Variants in GALNT2 observed in about 807,000 individuals in gnomAD.
GALNT2 encodes the protein UDP-GalNAc:polypeptide N-acetylgalactosaminyltransferase 2.
In GALNT2, 31 loss-of-function variants were observed where a neutral mutation model predicts 81.4. The ratio of observed to expected loss-of-function variants is 0.38; its 90% CI spans 0.29 to 0.51. The LOEUF (loss-of-function observed/expected upper bound fraction) is 0.51. Among genes scored for constraint, GALNT2 ranks in the 20% least tolerant of loss-of-function variants. The pLI is 0.87. For synonymous variants in GALNT2, 303 were observed against 287.4 expected, an observed-to-expected ratio of 1.05 and a Z score of -0.55; for missense variants, 629 against 765.7, an observed-to-expected ratio of 0.82 and a Z score of 2.11.
chr1:230,202,759 T>C (rs1472310644), intron 2 of GALNT2, among the ~76,000 whole-genome samples: 4 of 152,216 alleles, frequency 2.6e-5, no homozygotes, highest in African/African-American at 9.6e-5. Context: ...TACATGATCT[T>C]CTTCACCCTA....
intron 1 of GALNT2, among the ~76,000 whole-genome samples, chr1:230,106,544 A>G (rs910146157): frequency 6.6e-6 from 1 of 152,202 alleles, no homozygotes; most frequent in African/African-American, 2.4e-5. Flanking sequence ...TGTTCATTTT[A>G]TTTTACATCA....
rs536698566 is a variant in GALNT2 at position 230,110,168 on chromosome 1, TTCTC to T, written c.126+42765_126+42768del. 1.1e-4 allele frequency among the ~76,000 whole-genome samples: 16 copies of T among 152,328 alleles called. No individual in the cohort carries two copies. In the East Asian group the frequency reaches 3.1e-3, roughly 29 times the overall value. ...TCCTTAAACTTAGTGCTCCTGCTCATTCTCTCAGTATGGCTAATAGCTCATTTAA... is the reference window on the plus strand; with the variant it reads ...TCCTTAAACTTAGTGCTCCTGCTCATTCAGTATGGCTAATAGCTCATTTAA... On this transcript the variant is annotated intron_variant, in intron 1 of 15. Coordinates refer to ENST00000366672, the MANE Select transcript of GALNT2 (RefSeq NM_004481.5).
chr1:230,092,360 G>A (rs2102768072), intron 1 of GALNT2, among the ~76,000 whole-genome samples: 1 of 151,260 alleles, frequency 6.6e-6, no homozygotes, highest in East Asian at 1.9e-4. Flanking sequence ...TTATAGTAGA[G>A]GGTGACAATT....
rs375445975 is a variant in GALNT2, at chr1:230,263,199, G to C, written c.1313+194G>C. 825 of 582,796 alleles carry C rather than the reference G, an allele frequency of 1.4e-3. 8 individuals carry two copies. The highest frequency in any genetic ancestry group is 0.014 in the African/African-American group (747 of 53,592). 36.1% of individuals were successfully genotyped at this position (582,796 alleles called of 1,614,324 possible). On this transcript the variant is annotated intron_variant, in intron 13 of 15. Transcript: ENST00000366672. ...CCCAAGTTGGCCTGCTGCTGTCTCT[G>C]TCCTGCAGAGCTGCCCTCCCATGCT...
chr1:230,117,008 A>G lies in GALNT2; in HGVS notation c.126+49602A>G, dbSNP rs188851931. Among the ~76,000 whole-genome samples the G allele has an allele frequency of 8.4e-4, 128 of 152,316 alleles. 2 individuals carry two copies. In the South Asian group the frequency reaches 0.014, roughly 17 times the overall value. On this transcript the variant is annotated intron_variant, in intron 1 of 15. Coordinates refer to ENST00000366672, the MANE Select transcript of GALNT2 (RefSeq NM_004481.5). ...TAGTCCTAGATGGCATCTTCTTCCA[A>G]TAGAAGGCTGCTGTAGGGTAGCCAC...
At position 230,279,027 on chromosome 1, in the gene GALNT2, C is replaced by G. The variant is rs1297407482; in HGVS notation, c.1561-276C>G. Among the ~76,000 whole-genome samples the G allele has an allele frequency of 6.6e-6, 1 of 152,182 alleles. No individual in the cohort carries two copies. The highest frequency in any genetic ancestry group is 1.5e-5 in the Non-Finnish European group (1 of 68,022). ...GGGGTGGGTGCCCAGAGCTCTGGGG[C>G]TCAGAGGAGGGGACACCCACAGAAA... On this transcript the variant is annotated intron_variant, in intron 15 of 15. Coordinates refer to ENST00000366672, the MANE Select transcript of GALNT2 (RefSeq NM_004481.5). The surrounding 1 kb of genome is among the most constrained non-coding windows in gnomAD (Gnocchi z 4.6).
chr1:230,064,634 C>T (rs1659126998), upstream of GALNT2, among the ~76,000 whole-genome samples: 1 of 152,202 alleles, frequency 6.6e-6, no homozygotes, highest in Non-Finnish European at 1.5e-5. Flanking sequence ...GATTCTTCCA[C>T]CTCAGCCTCT....
intron 2 of GALNT2, among the ~76,000 whole-genome samples, chr1:230,186,256 C>T (rs901989106): frequency 6.6e-6 from 1 of 152,088 alleles, no homozygotes; most frequent in African/African-American, 2.4e-5. Flanking sequence ...AGTCCAAGCC[C>T]CTCCTTTGTG....
At chr1:230,124,854 C>G in intron 1 of GALNT2, among the ~76,000 whole-genome samples, 1 of 132,832 alleles carries the variant, frequency 7.5e-6, no homozygotes, top group South Asian at 2.8e-4. Flanking sequence ...GTCTTTCTCT[C>G]TGAGAACCCA....
At chr1:230,128,824 A>T (rs961322988) in intron 1 of GALNT2, among the ~76,000 whole-genome samples, 6 of 152,048 alleles carry the variant, frequency 3.9e-5, no homozygotes, top group Non-Finnish European at 8.8e-5. Flanking sequence ...ATCTTCCTAT[A>T]TGTGGGGTGC....
chr1:230,112,385 G>GA (rs951621907), intron 1 of GALNT2, among the ~76,000 whole-genome samples: 1 of 133,810 alleles, frequency 7.5e-6, no homozygotes, highest in Non-Finnish European at 1.7e-5. Flanking sequence ...GCCGGGGGAG[G>GA]GGGGGGGCCT....
At chr1:230,238,030 G>A (rs1280477593) in intron 6 of GALNT2, among the ~76,000 whole-genome samples, 2 of 152,108 alleles carry the variant, frequency 1.3e-5, no homozygotes, top group African/African-American at 4.8e-5. Context: ...ACGTTGTTTC[G>A]GGGAAGGCAT....
intron 3 of GALNT2, among the ~76,000 whole-genome samples, chr1:230,226,809 A>T (rs1424956845): frequency 1.3e-5 from 2 of 152,186 alleles, no homozygotes; most frequent in African/African-American, 4.8e-5. Flanking sequence ...TTGGATTTTT[A>T]ACCATTTTTC....
chr1:230,248,105 G>A (rs1294697339), intron 8 of GALNT2, among the ~76,000 whole-genome samples: 1 of 152,186 alleles, frequency 6.6e-6, no homozygotes, highest in Non-Finnish European at 1.5e-5. Flanking sequence ...CTATCCTGCA[G>A]TGAGGGAGCT....
intron 1 of GALNT2, among the ~76,000 whole-genome samples, chr1:230,061,189 T>C (rs1055842996): frequency 1.2e-5 from 1 of 84,108 alleles, no homozygotes; most frequent in African/African-American, 4.0e-5. Flanking sequence ...CATATGAGCA[T>C]AGATGTGTGT....
chr1:230,136,485 T>C (rs1251224700), intron 1 of GALNT2, among the ~76,000 whole-genome samples: 1 of 152,124 alleles, frequency 6.6e-6, no homozygotes, highest in African/African-American at 2.4e-5. Context: ...CCGCGCTTTC[T>C]CTCCCGGATG....
intron 2 of GALNT2, among the ~76,000 whole-genome samples, chr1:230,189,274 C>T (rs1057418418): frequency 1.2e-4 from 19 of 152,202 alleles, no homozygotes; most frequent in African/African-American, 4.1e-4. Context: ...TCTGGATTCT[C>T]CTTGAGCCCC....
upstream of GALNT2, among the ~76,000 whole-genome samples, chr1:230,066,088 G>C (rs1010457079): frequency 3.3e-5 from 5 of 152,206 alleles, no homozygotes; most frequent in African/African-American, 1.2e-4. Flanking sequence ...TTAATGTTCA[G>C]TTCATGGCAT....
At chr1:230,136,946 A>G (rs1279666602) in intron 1 of GALNT2, among the ~76,000 whole-genome samples, 1 of 152,206 alleles carries the variant, frequency 6.6e-6, no homozygotes, top group African/African-American at 2.4e-5. Context: ...CCTCACGGAC[A>G]GCGAAGCCAG....
Sources: allele counts gnomAD v4.1 joint callset (sites outside exome capture counted in the v4.1 genomes callset), GRCh38; gene constraint gnomAD v4.1.1; non-coding constraint Gnocchi (gnomAD v3.1); transcripts MANE v1.5; gene names NCBI Gene and HGNC (gene_info 2026-07-23, HGNC 2026-07-21).